ANO4: variants seen among roughly 807,000 people sequenced by gnomAD.
The protein encoded by ANO4 is anoctamin-4.
In ANO4, 69 loss-of-function variants were observed where a neutral mutation model predicts 141.9. The ratio of observed to expected loss-of-function variants is 0.49; its 90% confidence interval spans 0.40 to 0.59. The LOEUF (loss-of-function observed/expected upper bound fraction) is 0.59, where lower values mean the gene tolerates loss of function less well. Ranked by LOEUF, ANO4 falls within the 20% of genes least tolerant of loss-of-function variation. The pLI is 0.00. For synonymous variants in ANO4, 350 were observed against 394.3 expected, an observed-to-expected ratio of 0.89 and a Z score of 1.33; for missense variants, 894 against 1,162.2, an observed-to-expected ratio of 0.77 and a Z score of 3.36.
At chr12:101,025,865 C>T (rs1358497875) in intron 9 of ANO4, among the ~76,000 whole-genome samples, 4 of 152,122 alleles carry the variant, frequency 2.6e-5, no homozygotes, top group African/African-American at 7.2e-5. Context: ...AAGCATTTCA[C>T]AAAGTTCAAC....
At chr12:100,963,797 G>A (rs1314289674) in intron 5 of ANO4, among the ~76,000 whole-genome samples, 1 of 152,054 alleles carries the variant, frequency 6.6e-6, no homozygotes, top group East Asian at 1.9e-4. Flanking sequence ...CAGTTTCACA[G>A]GCTAGATTCC....
At chr12:100,921,262 G>T (rs2041619286) in intron 2 of ANO4, among the ~76,000 whole-genome samples, 1 of 152,068 alleles carries the variant, frequency 6.6e-6, no homozygotes, top group African/African-American at 2.4e-5. Context: ...GTTACCTTCA[G>T]GTGTTTTACT....
intron 2 of ANO4, among the ~76,000 whole-genome samples, chr12:100,908,408 A>G (rs930526052): frequency 6.6e-6 from 1 of 152,202 alleles, no homozygotes; most frequent in Non-Finnish European, 1.5e-5. Context: ...CCATCATTTT[A>G]TCATAGATCC....
intron 8 of ANO4, among the ~76,000 whole-genome samples, chr12:101,015,552 C>G (rs1464301109): frequency 6.6e-6 from 1 of 152,180 alleles, no homozygotes; most frequent in African/African-American, 2.4e-5. Context: ...GCTATTATAA[C>G]CCATGCCATA....
chr12:100,866,848 C>T (rs933566049), intron 1 of ANO4, among the ~76,000 whole-genome samples: 4 of 152,136 alleles, frequency 2.6e-5, no homozygotes, highest in Admixed American at 6.6e-5. Context: ...GGAGGAGATA[C>T]GTTATACAAA....
intron 3 of ANO4, among the ~76,000 whole-genome samples, chr12:100,754,192 T>A (rs1487457435): frequency 6.6e-6 from 1 of 152,200 alleles, no homozygotes; most frequent in African/African-American, 2.4e-5. Context: ...AACACATAAC[T>A]CACAATGTAA....
chr12:100,842,061 A>AACCCCCCC (rs1565926522), intron 1 of ANO4: 2 of 51,286 alleles, frequency 3.9e-5, no homozygotes, highest in African/African-American at 6.9e-5. Flanking sequence ...GTAAATATCC[A>AACCCCCCC]CCCCCCCCCC....
rs558321910 is a variant in ANO4, at chr12:100,740,947, G to A, written c.358+842G>A. On this transcript the variant is annotated intron_variant, in intron 3 of 29. Coordinates refer to the ANO4 transcript ENST00000644049. ...CAAACGCTGAAATATTTATTATCTG[G>A]CCCTTTATAGAAAATGTTTGCTGAC... is the stretch of plus-strand genomic sequence containing the variant. Among the ~76,000 whole-genome samples the A allele has an allele frequency of 3.9e-5, 6 of 152,222 alleles. No homozygotes were observed. In the East Asian group the frequency reaches 1.2e-3, roughly 29 times the overall value.
intron 3 of ANO4, among the ~76,000 whole-genome samples, chr12:100,746,493 A>G (rs567029508): frequency 1.2e-3 from 189 of 152,124 alleles, no homozygotes; most frequent in Non-Finnish European, 1.9e-3. Flanking sequence ...CGATGAAATA[A>G]TAAGAAAAAT....
At chr12:101,079,376 G>T in intron 15 of ANO4, 101 bp downstream of exon 15, 1 of 977,134 alleles carries the variant, frequency 1.0e-6, no homozygotes, top group Non-Finnish European at 1.6e-6. Context: ...CGGAAGTCAG[G>T]TGTACTCATA....
At chr12:100,996,478 A>C (rs376363980) in intron 8 of ANO4, among the ~76,000 whole-genome samples, 12 of 152,154 alleles carry the variant, frequency 7.9e-5, no homozygotes, top group East Asian at 5.8e-4. Context: ...TGAGGTCAGG[A>C]GTTTGAGACC....
chr12:100,804,720 C>A (rs1390808673), intron 1 of ANO4, among the ~76,000 whole-genome samples: 2 of 152,044 alleles, frequency 1.3e-5, no homozygotes, highest in African/African-American at 4.8e-5. Flanking sequence ...GAGTTTTTTT[C>A]ATGTTTATTG....
At chr12:101,047,025 G>A (rs655285) in intron 13 of ANO4, among the ~76,000 whole-genome samples, 23,842 of 152,176 alleles carry the variant, frequency 0.16, 2,248 homozygotes, top group East Asian at 0.28. Context: ...CGAGGCAGGC[G>A]GATCACCTGA....
intron 4 of ANO4, among the ~76,000 whole-genome samples, chr12:100,941,115 CAGAA>C (rs1007147981): frequency 3.0e-4 from 45 of 150,082 alleles, no homozygotes; most frequent in African/African-American, 1.1e-3. Flanking sequence ...TGTATGAAAA[CAGAA>C]AGGGTAAACA....
intron 14 of ANO4, among the ~76,000 whole-genome samples, chr12:101,049,732 TTG>T (rs1338951090): frequency 6.6e-6 from 1 of 152,210 alleles, no homozygotes; most frequent in Admixed American, 6.5e-5. Context: ...TCTTGATATA[TTG>T]TGTCTTTTGT....
chr12:100,927,130 C>T (rs1383692102), intron 3 of ANO4, among the ~76,000 whole-genome samples: 1 of 152,120 alleles, frequency 6.6e-6, no homozygotes. Flanking sequence ...TCAGTAGTAA[C>T]CAGTGTGTCT....
chr12:101,066,597 A>G (rs1038862625), intron 14 of ANO4: 2 of 506,178 alleles, frequency 4.0e-6, no homozygotes, highest in Non-Finnish European at 7.1e-6. Flanking sequence ...GACGAAAGAA[A>G]TGGAAGAGGC....
chr12:100,948,150 C>CAAAAAAAAAA (rs58889801), intron 5 of ANO4, among the ~76,000 whole-genome samples: 1 of 83,364 alleles, frequency 1.2e-5, no homozygotes, highest in East Asian at 4.1e-4. Context: ...GACTTCGTCT[C>CAAAAAAAAAA]AAAAAAAAAA....
intron 14 of ANO4, among the ~76,000 whole-genome samples, chr12:101,077,959 A>T (rs2049090849): frequency 6.6e-6 from 1 of 152,130 alleles, no homozygotes; most frequent in Admixed American, 6.6e-5. Context: ...CACAGCTTGT[A>T]TCTGATCTGG....
Sources: gnomAD v4.1 joint callset for allele counts (sites outside exome capture counted in the v4.1 genomes callset) on GRCh38, gnomAD v4.1.1 for gene constraint, MANE v1.5 for transcripts, NCBI Gene and HGNC (gene_info 2026-07-23, HGNC 2026-07-21) for gene names.